FOXJ2: variants seen among roughly 807,000 people sequenced by gnomAD.
FOXJ2 encodes forkhead box protein J2.
In FOXJ2, 18 loss-of-function variants were observed where a neutral mutation model predicts 68.4. The ratio of observed to expected loss-of-function variants is 0.26; its 90% CI spans 0.18 to 0.39. The LOEUF (loss-of-function observed/expected upper bound fraction) is 0.39. Ranked by LOEUF, FOXJ2 falls within the 10% of genes least tolerant of loss-of-function variation. FOXJ2 has a pLI of 1.00. For synonymous variants in FOXJ2, 274 were observed against 263.2 expected (o/e 1.04, Z -0.40); for missense variants, 670 against 726.5 (o/e 0.92, Z 0.89).
intron 7 of FOXJ2, 57 bp from the exon 8 acceptor site, chr12:8,048,640 G>A: frequency 1.3e-6 from 2 of 1,486,386 alleles, no homozygotes; most frequent in Non-Finnish European, 1.9e-6. Context: ...GGTATCAGTT[G>A]ACTGCTGTCT....
intron 1 of FOXJ2, among the ~76,000 whole-genome samples, chr12:8,034,487 G>A (rs778621650): frequency 1.3e-5 from 2 of 152,186 alleles, no homozygotes; most frequent in Non-Finnish European, 2.9e-5. Flanking sequence ...GTTCTGAGGC[G>A]AGAAGAAAGT....
chr12:8,050,084 C>G (rs1947095685), intron 9 of FOXJ2: 1 of 177,762 alleles, frequency 5.6e-6, no homozygotes, highest in Non-Finnish European at 1.2e-5. Flanking sequence ...GATCCTCCCA[C>G]TTTAGCCTCC....
chr12:8,050,160 T>C (rs1591581386), intron 9 of FOXJ2: 1 of 227,926 alleles, frequency 4.4e-6, no homozygotes, highest in African/African-American at 2.3e-5. Flanking sequence ...ATTTTGTGTA[T>C]AGCTGGGGTT....
Position 8,033,131 on chromosome 12 carries a change from G to T in FOXJ2, c.-717G>T. On this transcript the variant is annotated 5_prime_UTR_variant, in exon 1 of 11. Coordinates refer to ENST00000162391, the MANE Select transcript of FOXJ2 (RefSeq NM_018416.3). ...CTGCCTAGAGGCGAGGAAGACCCCT[G>T]TACTGGCCGGGGAGGAGACCCCCAG... 2.8e-6 allele frequency: 1 copy of T among 361,788 alleles called. No individual in the cohort carries two copies. Among genetic ancestry groups the T allele is most frequent in the Non-Finnish European group, 4.9e-6 (1 of 203,084 alleles). 22.4% of individuals were successfully genotyped at this position (361,788 alleles called of 1,614,324 possible). A position where few individuals can be genotyped will look rare whatever the true frequency, so the allele number is the denominator to read the frequency against.
At chr12:8,036,981 C>G (rs574258111) in intron 1 of FOXJ2, among the ~76,000 whole-genome samples, 2 of 152,002 alleles carry the variant, frequency 1.3e-5, no homozygotes, top group African/African-American at 4.8e-5. Flanking sequence ...CCCAGCTACT[C>G]GGGAGGCTGA....
rs778572473 is a variant in FOXJ2, at chr12:8,033,416, C to T, written c.-432C>T. 3 of 152,706 alleles carry T rather than the reference C, an allele frequency of 2.0e-5. No individual in the cohort carries two copies. The South Asian group carries it at 6.2e-4, about 32-fold the overall frequency. The allele number at this position is 152,706 out of a possible 1,614,324, so 9.5% of individuals were successfully genotyped here. Reference sequence around the variant, plus strand: ...GGGAAGACCTCCCCCTCAACTTCCTCGTGCCTAGACAGTGGAACGGGGTGG... The same window carrying T: ...GGGAAGACCTCCCCCTCAACTTCCTTGTGCCTAGACAGTGGAACGGGGTGG... On this transcript the variant is annotated 5_prime_UTR_variant, in exon 1 of 11. Coordinates refer to ENST00000162391, the MANE Select transcript of FOXJ2 (RefSeq NM_018416.3).
chr12:8,048,302 G>A lies in FOXJ2; in HGVS notation c.1225+13G>A. The A allele has an allele frequency of 6.5e-7, 1 of 1,539,698 alleles. No individual in the cohort carries two copies. Among genetic ancestry groups the A allele is most frequent in the Non-Finnish European group, 8.8e-7 (1 of 1,142,536 alleles). On this transcript the variant is annotated intron_variant, in intron 7 of 10. Transcript: ENST00000162391. ...AACACTGGCTTTGGTGAGTAAGGAG[G>A]GTGCACAGTGATCTAGAGGAGGGTG...
chr12:8,051,318 C>T (rs1179766655), intron 10 of FOXJ2, among the ~76,000 whole-genome samples: 2 of 151,814 alleles, frequency 1.3e-5, no homozygotes, highest in Admixed American at 1.3e-4. Flanking sequence ...TTAGTAGAGA[C>T]GGGGTTTTGC....
Position 8,049,505 on chromosome 12 carries a change from G to T in FOXJ2, c.1471G>T (p.Ala491Ser). The T allele has an allele frequency of 6.2e-7, 1 of 1,613,938 alleles. No individual in the cohort carries two copies. Among genetic ancestry groups the T allele is most frequent in the South Asian group, 1.1e-5 (1 of 91,012 alleles). ...TCAAGGGGGTACCCACCGCCCACCAGCCCCTGCCCGTATTGCTGACTCCTG... is the reference window on the plus strand; with the variant it reads ...TCAAGGGGGTACCCACCGCCCACCATCCCCTGCCCGTATTGCTGACTCCTG... ...PPQGGTHRPP[A>S]PARIADSCAL... Residue 491 changes from alanine (A) to serine (S), a missense_variant, in exon 9 of 11, where the codon GCC becomes TCC. Around this residue, in one of 2 missense-constraint regions of FOXJ2, gnomAD observed 555 missense variants for 562.2 expected, o/e 0.99. Transcript: ENST00000162391.
chr12:8,033,413 C>A lies in FOXJ2; in HGVS notation c.-435C>A, dbSNP rs893961492. 1 of 152,658 alleles carries A rather than the reference C, an allele frequency of 6.6e-6. No homozygotes were observed. The highest frequency in any genetic ancestry group is 2.4e-5 in the African/African-American group (1 of 41,434). The allele number at this position is 152,658 out of a possible 1,614,324, so 9.5% of individuals were successfully genotyped here. Reference sequence around the variant, plus strand: ...GAGGGGAAGACCTCCCCCTCAACTTCCTCGTGCCTAGACAGTGGAACGGGG... The same window carrying A: ...GAGGGGAAGACCTCCCCCTCAACTTACTCGTGCCTAGACAGTGGAACGGGG... On this transcript the variant is annotated 5_prime_UTR_variant, in exon 1 of 11. Coordinates refer to ENST00000162391, the MANE Select transcript of FOXJ2 (RefSeq NM_018416.3).
At chr12:8,050,713 C>T (rs1409071339) in intron 10 of FOXJ2, 93 bp downstream of exon 10, 10 of 1,420,396 alleles carry the variant, frequency 7.0e-6, no homozygotes, top group Non-Finnish European at 9.9e-6. Context: ...TGCATTTTTG[C>T]CTGCATCTCG....
At position 8,038,094 on chromosome 12, in the gene FOXJ2, C is replaced by T. The variant is rs11837794; in HGVS notation, c.-14-1725C>T. Among the ~76,000 whole-genome samples, 1 of 151,946 alleles carries T rather than the reference C, an allele frequency of 6.6e-6. No individual in the cohort carries two copies. The highest frequency in any genetic ancestry group is 1.9e-4 in the East Asian group (1 of 5,192). ...TTAGAGTTGCGTCTCTTGCTGCCCC[C>T]GCCCCTGAGGCACTAAGGTGTTTCC... On this transcript the variant is annotated intron_variant, in intron 1 of 10. Coordinates refer to ENST00000162391, the MANE Select transcript of FOXJ2 (RefSeq NM_018416.3). The surrounding 1 kb of genome is among the most constrained non-coding windows in gnomAD (Gnocchi z 5.3).
Position 8,047,914 on chromosome 12 carries a change from T to G in FOXJ2, c.850T>G (p.Ser284Ala), listed in dbSNP as rs769132708. 6.2e-7 allele frequency: 1 copy of G among 1,605,708 alleles called. No homozygotes were observed. The highest frequency in any genetic ancestry group is 1.7e-5 in the Admixed American group (1 of 59,724). Residue 284 changes from serine to alanine, a missense_variant, in exon 7 of 11, where the codon TCG (serine) becomes GCG (alanine). Physicochemically the swap from Ser to Ala is moderately conservative, Grantham distance 99 (BLOSUM62 1). Transcript: ENST00000162391. ...TTCTCTCCTGGGGGACATCCCACCC[T>G]CGAACAACTACTACATGTATCAGCA... ...FSSLLGDIPPSNNYYMYQQQQ... is the reference protein window; with the variant it reads ...FSSLLGDIPPANNYYMYQQQQ...
intron 1 of FOXJ2, among the ~76,000 whole-genome samples, chr12:8,036,040 C>A (rs1479375316): frequency 6.6e-6 from 1 of 152,168 alleles, no homozygotes; most frequent in Non-Finnish European, 1.5e-5. Flanking sequence ...TTTTTAATTT[C>A]TAGTATTCTC....
At chr12:8,042,771 A>C (rs1350062908) in intron 3 of FOXJ2, 39 bp downstream of exon 3, 6 of 1,535,202 alleles carry the variant, frequency 3.9e-6, no homozygotes, top group Non-Finnish European at 5.4e-6. Flanking sequence ...AGGAGTAGGA[A>C]GGAGAGTGAA....
At chr12:8,048,901 G>T in intron 8 of FOXJ2, 103 bp downstream of exon 8, 2 of 835,128 alleles carry the variant, frequency 2.4e-6, no homozygotes, top group Non-Finnish European at 2.0e-6. Flanking sequence ...GCAGAAATGA[G>T]GATTTCATTG....
chr12:8,050,400 C>T (rs1057105415), intron 9 of FOXJ2, 122 bp from the exon 10 acceptor site: 2 of 1,430,004 alleles, frequency 1.4e-6, no homozygotes, highest in Non-Finnish European at 1.8e-6. Flanking sequence ...GCAGGAGCTA[C>T]AGAACAGGGC....
chr12:8,048,464 C>T (rs17728579), intron 7 of FOXJ2, among the ~76,000 whole-genome samples, 175 bp downstream of exon 7: 2,795 of 152,350 alleles, frequency 0.018, 41 homozygotes, highest in Middle Eastern at 0.051. Context: ...TATAGAATTC[C>T]TGGATCAATT....
chr12:8,045,930 A>G (rs1030952168), intron 6 of FOXJ2, among the ~76,000 whole-genome samples: 1 of 152,202 alleles, frequency 6.6e-6, no homozygotes, highest in Non-Finnish European at 1.5e-5. Context: ...AAGTGCTGGG[A>G]TTACAGGCGT....
Sources: allele counts gnomAD v4.1 joint callset (sites outside exome capture counted in the v4.1 genomes callset), GRCh38; gene constraint gnomAD v4.1.1; regional missense constraint gnomAD v4.1.1; non-coding constraint Gnocchi (gnomAD v3.1); transcripts MANE v1.5; gene names NCBI Gene and HGNC (gene_info 2026-07-23, HGNC 2026-07-21).